The following ABCA13 variants were observed in gnomAD, a reference collection of about 807,000 sequenced individuals.
ABCA13 encodes ATP-binding cassette sub-family A member 13.
In ABCA13, 476 loss-of-function variants were observed where a neutral mutation model predicts 478.7. The ratio of observed to expected loss-of-function variants is 0.99; its 90% CI spans 0.92 to 1.07. ABCA13 has a LOEUF of 1.07. Among genes scored for constraint, ABCA13 ranks in the 50% least tolerant of loss-of-function variants. The probability of loss-of-function intolerance (pLI) is 0.00; values close to 1 mark genes in which losing one functional copy is unlikely to be tolerated. For synonymous variants in ABCA13, 2,252 were observed against 2,158.9 expected, an observed-to-expected ratio of 1.04 and a Z score of -1.20; for missense variants, 6,060 against 5,910.6, an observed-to-expected ratio of 1.03 and a Z score of -0.83.
chr7:48,360,604 ACT>A (rs1810674572), intron 31 of ABCA13, among the ~76,000 whole-genome samples: 1 of 152,020 alleles, frequency 6.6e-6, no homozygotes, highest in African/African-American at 2.4e-5. Context: ...AATAATTCAC[ACT>A]TAATATCCTG....
intron 48 of ABCA13, among the ~76,000 whole-genome samples, chr7:48,503,012 T>A (rs548989138): frequency 6.6e-6 from 1 of 152,222 alleles, no homozygotes; most frequent in Non-Finnish European, 1.5e-5. Context: ...ATGTTTAGTA[T>A]GCAAAACATT....
intron 29 of ABCA13, among the ~76,000 whole-genome samples, chr7:48,339,045 C>A (rs141465619): frequency 6.6e-6 from 1 of 152,154 alleles, no homozygotes; most frequent in African/African-American, 2.4e-5. Context: ...GCAAAATCAG[C>A]GATCAGGGCC....
At chr7:48,210,135 C>T (rs891136658) in intron 3 of ABCA13, among the ~76,000 whole-genome samples, 56 of 152,150 alleles carry the variant, frequency 3.7e-4, no homozygotes, top group African/African-American at 1.2e-3. Context: ...CACAATTCTG[C>T]ACCGTTGGGG....
chr7:48,233,531 T>C (rs986773193), intron 7 of ABCA13, among the ~76,000 whole-genome samples: 14 of 152,308 alleles, frequency 9.2e-5, no homozygotes, highest in East Asian at 1.9e-4. Flanking sequence ...TGACTTCAAA[T>C]AATTATTGAG....
chr7:48,313,142 G>T lies in ABCA13; in HGVS notation c.9592G>T (p.Ala3198Ser), dbSNP rs774792980. ...AGTTTCCAGCCTCAGCGCCTTGCTTGCCAAAGCCCAGCACGTCTTTGAGTA... is the reference window on the plus strand; with the variant it reads ...AGTTTCCAGCCTCAGCGCCTTGCTTTCCAAAGCCCAGCACGTCTTTGAGTA... ...DIVSSLSALL[A>S]KAQHVFEYLP... Residue 3198 changes from alanine to serine, a missense_variant, in exon 25 of 62, where the codon GCC (alanine) becomes TCC (serine). Physicochemically the swap from Ala to Ser is moderately conservative, Grantham distance 99 (BLOSUM62 1). This residue lies in a region of ABCA13 where 4,423 missense variants were observed against 4,309.1 expected (regional missense o/e 1.03). Coordinates refer to ENST00000435803, the MANE Select transcript of ABCA13 (RefSeq NM_152701.5). 1.5e-5 allele frequency: 24 copies of T among 1,612,824 alleles called. No individual in the cohort carries two copies. In the Middle Eastern group the frequency reaches 1.2e-3, roughly 77 times the overall value.
chr7:48,194,490 T>C (rs1797667043), intron 2 of ABCA13, among the ~76,000 whole-genome samples: 2 of 152,104 alleles, frequency 1.3e-5, no homozygotes, highest in African/African-American at 2.4e-5. Flanking sequence ...AAACTATTAC[T>C]GGTAACTTCC....
At chr7:48,172,550 C>A (rs974917685) in intron 1 of ABCA13, among the ~76,000 whole-genome samples, 21 of 152,076 alleles carry the variant, frequency 1.4e-4, no homozygotes, top group Non-Finnish European at 2.8e-4. Flanking sequence ...AATCCCAGCA[C>A]TTTGGGAGGC....
chr7:48,566,193 T>C (rs1168080683), intron 55 of ABCA13, among the ~76,000 whole-genome samples: 1 of 152,092 alleles, frequency 6.6e-6, no homozygotes, highest in Non-Finnish European at 1.5e-5. Context: ...CCCCTCAGAG[T>C]GCTCCAAACA....
chr7:48,226,924 T>C (rs1409977095), intron 5 of ABCA13, among the ~76,000 whole-genome samples: 1 of 152,186 alleles, frequency 6.6e-6, no homozygotes, highest in Non-Finnish European at 1.5e-5. Flanking sequence ...TACATTCTTA[T>C]CCAGGATCTA....
rs1788588747 is a variant in ABCA13, at chr7:48,580,293, C to G, written c.14424C>G (p.Ala4808=). 2 of 1,612,534 alleles carry G rather than the reference C, an allele frequency of 1.2e-6. No individual in the cohort carries two copies. Reference sequence around the variant, plus strand: ...TTGGCTACTGTCCCCAGCAGGATGCCCTGGACGAGCTTCTGACTGGTTGGG... The same window carrying G: ...TTGGCTACTGTCCCCAGCAGGATGCGCTGGACGAGCTTCTGACTGGTTGGG... ...VLIGYCPQQD[A]LDELLTGWEH... Residue 4808 remains alanine, a synonymous_variant, in exon 56 of 62, where the codon GCC becomes GCG. Coordinates refer to ENST00000435803, the MANE Select transcript of ABCA13 (RefSeq NM_152701.5).
chr7:48,548,216 A>G (rs922976577), intron 55 of ABCA13, among the ~76,000 whole-genome samples: 1 of 151,976 alleles, frequency 6.6e-6, no homozygotes, highest in African/African-American at 2.4e-5. Flanking sequence ...ATATATTTCT[A>G]TATTCCTATC....
chr7:48,244,548 T>C (rs1274716509), intron 10 of ABCA13, 28 bp from the exon 11 acceptor site: 1 of 1,600,708 alleles, frequency 6.2e-7, no homozygotes, highest in East Asian at 2.2e-5. Context: ...CTTTTCATTT[T>C]ATTTCATTTA....
At chr7:48,537,477 G>A (rs1203096866) in intron 55 of ABCA13, among the ~76,000 whole-genome samples, 1 of 152,174 alleles carries the variant, frequency 6.6e-6, no homozygotes, top group African/African-American at 2.4e-5. Context: ...CACGGATGGA[G>A]CAATGGCGAG....
chr7:48,431,083 A>G (rs1166870733), intron 42 of ABCA13, among the ~76,000 whole-genome samples: 2 of 151,626 alleles, frequency 1.3e-5, no homozygotes, highest in Admixed American at 1.3e-4. Context: ...TTCTCTTTTG[A>G]TTTCTTTCAT....
Position 48,274,844 on chromosome 7 carries a change from T to A in ABCA13, c.5178T>A (p.Asn1726Lys), listed in dbSNP as rs1008473431. The change falls in exon 17 of 62, where the codon AAT (asparagine) becomes AAA (lysine). Residue 1726 changes from asparagine to lysine, a missense_variant. Asn to Lys is a moderately conservative substitution (Grantham distance 94). This residue lies in a region of ABCA13 where 4,423 missense variants were observed against 4,309.1 expected (regional missense o/e 1.03). Coordinates refer to ENST00000435803, the MANE Select transcript of ABCA13 (RefSeq NM_152701.5). ...FADSSHSWNV[N>K]HLLQLSRLFP... Reference sequence around the variant, plus strand: ...ACAGCTCACATTCTTGGAATGTTAATCATCTGCTGCAGCTCTCACGCCTGT... The same window carrying A: ...ACAGCTCACATTCTTGGAATGTTAAACATCTGCTGCAGCTCTCACGCCTGT... 1 of 1,613,996 alleles carries A rather than the reference T, an allele frequency of 6.2e-7. No individual in the cohort carries two copies. Among genetic ancestry groups the A allele is most frequent in the Non-Finnish European group, 8.5e-7 (1 of 1,179,868 alleles).
chr7:48,252,800 T>C (rs896343457), intron 15 of ABCA13, among the ~76,000 whole-genome samples: 5 of 152,228 alleles, frequency 3.3e-5, no homozygotes, highest in African/African-American at 1.2e-4. Flanking sequence ...GGCCTGCATT[T>C]CTTTAGCGGA....
In ABCA13 at chr7:48,352,335, T is replaced by G. The variant is rs1563103917; in HGVS notation, c.10536T>G (p.Asn3512Lys). The change falls in exon 31 of 62, where the codon AAT becomes AAG. Residue 3512 changes from asparagine (N) to lysine (K), a missense_variant. Physicochemically the swap from Asn to Lys is moderately conservative, Grantham distance 94. Transcript: ENST00000435803. ...CTTCTTGGAAGTTCCACCCTCAGAATCTACCAGCTGATGGGTTCAAATATA... is the reference window on the plus strand; with the variant it reads ...CTTCTTGGAAGTTCCACCCTCAGAAGCTACCAGCTGATGGGTTCAAATATA... ...KNPSWKFHPQ[N>K]LPADGFKYNY... 1.9e-6 allele frequency: 3 copies of G among 1,613,694 alleles called. No homozygotes were observed. Among genetic ancestry groups the G allele is most frequent in the Non-Finnish European group, 1.7e-6 (2 of 1,179,894 alleles).
At position 48,615,385 on chromosome 7, in the gene ABCA13, G is replaced by A. The variant is rs1481792177; in HGVS notation, c.14837+8G>A. 2 of 1,556,308 alleles carry A rather than the reference G, an allele frequency of 1.3e-6. No individual in the cohort carries two copies. The highest frequency in any genetic ancestry group is 1.7e-6 in the Non-Finnish European group (2 of 1,148,378). Reference sequence around the variant, plus strand: ...TCAGCACATCAAAAATAGGTGCGTTGAAGTTCTCCTTTTGCTTAGATATTT... The same window carrying A: ...TCAGCACATCAAAAATAGGTGCGTTAAAGTTCTCCTTTTGCTTAGATATTT... On this transcript the variant is annotated splice_region_variant and intron_variant, in intron 59 of 61. Transcript: ENST00000435803.
chr7:48,238,120 G>A (rs1790240767), intron 8 of ABCA13, among the ~76,000 whole-genome samples: 1 of 152,186 alleles, frequency 6.6e-6, no homozygotes, highest in South Asian at 2.1e-4. Flanking sequence ...CCACAGACTT[G>A]TAAACAACAG....
Sources: gnomAD v4.1 joint callset for allele counts (sites outside exome capture counted in the v4.1 genomes callset) on GRCh38, gnomAD v4.1.1 for gene constraint, gnomAD v4.1.1 regional missense constraint, MANE v1.5 for transcripts, NCBI Gene and HGNC (gene_info 2026-07-23, HGNC 2026-07-21) for gene names.